The following RBFOX3 variants were observed in gnomAD, a reference collection of about 807,000 sequenced individuals.
The protein encoded by RBFOX3 is RNA binding fox-1 homolog 3.
RBFOX3 carries 17 observed loss-of-function variants against 48.7 expected under a neutral mutation model. That is an observed-to-expected ratio of 0.35 (90% CI 0.24 to 0.52). The LOEUF (loss-of-function observed/expected upper bound fraction) is 0.52. Ranked by LOEUF, RBFOX3 falls within the 20% of genes least tolerant of loss-of-function variation. The pLI, the probability that RBFOX3 is intolerant of heterozygous loss-of-function variation, is 0.94. For synonymous variants in RBFOX3, 212 were observed against 209.5 expected (o/e 1.01, Z -0.10); for missense variants, 382 against 497.5 (o/e 0.77, Z 2.21).
rs1357110050 is a variant in RBFOX3 at position 79,530,068 on chromosome 17, C to T, written c.-319-47470G>A. Among the ~76,000 whole-genome samples the T allele has an allele frequency of 2.6e-5, 4 of 152,312 alleles. 1 individual carries two copies. The highest frequency in any genetic ancestry group is 9.6e-5 in the African/African-American group (4 of 41,580). ...ATCATCTCCGCCATGGAGGAGCCAG[C>T]GTGAACTTCCACAAAGCCTGGATGG... On this transcript the variant is annotated intron_variant, in intron 1 of 14. Coordinates refer to ENST00000693108, the MANE Select transcript of RBFOX3 (RefSeq NM_001350451.2).
chr17:79,431,261 C>G (rs1029438377), intron 2 of RBFOX3, among the ~76,000 whole-genome samples: 2 of 152,206 alleles, frequency 1.3e-5, no homozygotes, highest in African/African-American at 2.4e-5. Flanking sequence ...TTTACAAATA[C>G]TGAACCATTG....
chr17:79,546,345 T>A (rs781962069), intron 1 of RBFOX3, among the ~76,000 whole-genome samples: 1 of 152,164 alleles, frequency 6.6e-6, no homozygotes, highest in African/African-American at 2.4e-5. Context: ...TCCCTTTTCA[T>A]CCACACAAAC....
At position 79,094,443 on chromosome 17, in the gene RBFOX3, C is replaced by A; in HGVS notation, c.1077+8G>T. 6.7e-7 allele frequency: 1 copy of A among 1,496,906 alleles called. No individual in the cohort carries two copies. 92.7% of individuals were successfully genotyped at this position (1,496,906 alleles called of 1,614,324 possible). On this transcript the variant is annotated splice_region_variant and intron_variant, in intron 14 of 14. Coordinates refer to ENST00000693108, the MANE Select transcript of RBFOX3 (RefSeq NM_001350451.2). ...GCACCCAGGGCTGGGCGGGCCTGGG[C>A]TCCTTACCATGGTTCCAATGCTGTA...
intron 4 of RBFOX3, among the ~76,000 whole-genome samples, chr17:79,229,465 A>C (rs2060739278): frequency 6.8e-6 from 1 of 148,144 alleles, no homozygotes; most frequent in African/African-American, 2.5e-5. Context: ...AGGCTGAAGC[A>C]GGATAATTGC....
chr17:79,097,184 A>G, intron 11 of RBFOX3, 108 bp downstream of exon 11: 5 of 342,498 alleles, frequency 1.5e-5, no homozygotes, highest in Non-Finnish European at 2.2e-5. Context: ...CCCCCCCCCC[A>G]GGTCTGGAAA....
chr17:79,231,848 A>G (rs2061071702), intron 4 of RBFOX3, among the ~76,000 whole-genome samples: 1 of 152,224 alleles, frequency 6.6e-6, no homozygotes, highest in Non-Finnish European at 1.5e-5. Context: ...TATTGTTAAG[A>G]TGTCACTGAT....
chr17:79,248,096 C>T (rs1338726322), intron 3 of RBFOX3, among the ~76,000 whole-genome samples: 1 of 152,210 alleles, frequency 6.6e-6, no homozygotes, highest in Non-Finnish European at 1.5e-5. Flanking sequence ...GTGGGTTTCA[C>T]CCAAACAGGG....
At chr17:79,626,129 G>A in the RBFOX3 span, among the ~76,000 whole-genome samples, 1 of 152,122 alleles carries the variant, frequency 6.6e-6, no homozygotes, top group Admixed American at 6.5e-5. Context: ...CATGACAGTG[G>A]GAGAACACAG....
intron 1 of RBFOX3, among the ~76,000 whole-genome samples, chr17:79,489,366 C>G (rs1471093584): frequency 6.6e-6 from 1 of 152,218 alleles, no homozygotes; most frequent in Admixed American, 6.5e-5. Context: ...TTGAACACAG[C>G]TCACTGCAGC....
intron 1 of RBFOX3, among the ~76,000 whole-genome samples, chr17:79,548,227 A>C (rs971486323): frequency 1.8e-4 from 27 of 152,080 alleles, no homozygotes; most frequent in Admixed American, 3.3e-4. Context: ...CCCGGAGTCC[A>C]CCCAGGAGGG....
At chr17:79,122,749 C>T (rs1206053907) in intron 4 of RBFOX3, among the ~76,000 whole-genome samples, 1 of 152,132 alleles carries the variant, frequency 6.6e-6, no homozygotes, top group Non-Finnish European at 1.5e-5. Flanking sequence ...GAGATATCTG[C>T]ATTGCTGTTT....
intron 1 of RBFOX3, among the ~76,000 whole-genome samples, chr17:79,579,209 G>A (rs2092963804): frequency 6.6e-6 from 1 of 152,174 alleles, no homozygotes; most frequent in Non-Finnish European, 1.5e-5. Context: ...AGACCCGACT[G>A]GGCTCCCTGT....
intron 2 of RBFOX3, among the ~76,000 whole-genome samples, chr17:79,335,301 T>A (rs111638927): frequency 0.016 from 2,414 of 152,198 alleles, 34 homozygotes; most frequent in South Asian, 0.048. Context: ...TAGGACAGAG[T>A]CTGGGGGACC....
intron 1 of RBFOX3, among the ~76,000 whole-genome samples, chr17:79,484,504 AG>A (rs1303111524): frequency 1.9e-4 from 21 of 112,792 alleles, no homozygotes; most frequent in East Asian, 1.8e-3. Context: ...GCCTGGGTGC[AG>A]GGGGCCTGGG....
At chr17:79,510,817 G>A (rs2084046914) in intron 1 of RBFOX3, among the ~76,000 whole-genome samples, 1 of 152,146 alleles carries the variant, frequency 6.6e-6, no homozygotes, top group Non-Finnish European at 1.5e-5. Flanking sequence ...GGGCAGGGGA[G>A]GGCAGCCAGG....
chr17:79,556,138 G>A (rs1282964896), intron 1 of RBFOX3, among the ~76,000 whole-genome samples: 1 of 152,140 alleles, frequency 6.6e-6, no homozygotes, highest in African/African-American at 2.4e-5. Flanking sequence ...AGGATCAGGA[G>A]AGCAGTTTAC....
chr17:79,349,279 C>A (rs896070352), intron 2 of RBFOX3, among the ~76,000 whole-genome samples: 3 of 152,072 alleles, frequency 2.0e-5, no homozygotes, highest in African/African-American at 4.8e-5. Flanking sequence ...CACAGTCCTG[C>A]CTGCACCCTC....
chr17:79,598,608 C>T (rs1393370138), intron 1 of RBFOX3: 2 of 152,112 alleles, frequency 1.3e-5, no homozygotes, highest in Admixed American at 6.5e-5. Flanking sequence ...GGAGCATAAA[C>T]AGACCCTTCC....
intron 2 of RBFOX3, among the ~76,000 whole-genome samples, chr17:79,458,537 G>T (rs1045434395): frequency 6.6e-6 from 1 of 152,072 alleles, no homozygotes; most frequent in East Asian, 1.9e-4. Flanking sequence ...GACCATCACC[G>T]CAGTTGAGAT....
Sources: allele counts gnomAD v4.1 joint callset (sites outside exome capture counted in the v4.1 genomes callset), GRCh38; gene constraint gnomAD v4.1.1; transcripts MANE v1.5; gene names NCBI Gene and HGNC (gene_info 2026-07-23, HGNC 2026-07-21).